ANK3: variants seen among roughly 807,000 people sequenced by gnomAD.
The protein encoded by ANK3 is ankyrin-3.
In ANK3, 57 loss-of-function variants were observed where a neutral mutation model predicts 370.9. The observed-to-expected ratio is 0.15, with a 90% CI of 0.12 to 0.19. The LOEUF (loss-of-function observed/expected upper bound fraction) is 0.19. ANK3 is among the 10% of genes least tolerant of loss of function. The probability of loss-of-function intolerance (pLI) is 1.00; values close to 1 mark genes in which losing one functional copy is unlikely to be tolerated. For missense variants in ANK3, 4,439 were observed against 5,302.1 expected (o/e 0.84, Z 5.06); for synonymous variants, 1,929 against 1,946.3 (o/e 0.99, Z 0.23).
intron 41 of ANK3, among the ~76,000 whole-genome samples, chr10:60,057,168 C>T (rs1378301676): frequency 6.6e-6 from 1 of 152,162 alleles, no homozygotes; most frequent in South Asian, 2.1e-4. Flanking sequence ...CTACTCTTGA[C>T]CTCTGCTAAT....
At chr10:60,240,304 A>ATTTTTTTTT (rs1305756045) in intron 7 of ANK3, among the ~76,000 whole-genome samples, 2 of 87,644 alleles carry the variant, frequency 2.3e-5, no homozygotes, top group South Asian at 3.3e-4. Context: ...ATATATATAT[A>ATTTTTTTTT]TATTTTTTTT....
chr10:60,272,828 A>G (rs550947622), intron 4 of ANK3, among the ~76,000 whole-genome samples: 11 of 152,200 alleles, frequency 7.2e-5, no homozygotes, highest in African/African-American at 2.4e-4. Context: ...ATGAATATCA[A>G]CAAGATATTT....
intron 7 of ANK3, among the ~76,000 whole-genome samples, chr10:60,240,248 A>G (rs993629891): frequency 7.7e-5 from 11 of 141,970 alleles, no homozygotes; most frequent in Non-Finnish European, 1.5e-4. Flanking sequence ...ATACACACAT[A>G]TATATACATA....
chr10:60,266,414 T>G (rs1249442742), intron 5 of ANK3, among the ~76,000 whole-genome samples: 2 of 152,214 alleles, frequency 1.3e-5, no homozygotes. Context: ...AAAGAAAATA[T>G]GCATTGTTTA....
intron 2 of ANK3, among the ~76,000 whole-genome samples, chr10:60,568,970 G>T (rs926875752): frequency 3.3e-5 from 5 of 152,168 alleles, no homozygotes; most frequent in African/African-American, 9.7e-5. Flanking sequence ...GACTAACCAT[G>T]CTGACACCCT....
intron 1 of ANK3, among the ~76,000 whole-genome samples, chr10:60,698,883 C>A (rs2079506556): frequency 7.3e-6 from 1 of 137,702 alleles, no homozygotes; most frequent in African/African-American, 2.7e-5. Context: ...GCACATGTAC[C>A]CTAAAACTTA....
At chr10:60,442,768 C>G (rs2064331805) in intron 2 of ANK3, among the ~76,000 whole-genome samples, 1 of 152,210 alleles carries the variant, frequency 6.6e-6, no homozygotes, top group African/African-American at 2.4e-5. Context: ...TGCTAAATTT[C>G]TTACATAGAT....
chr10:60,226,087 A>T (rs1465266177), intron 8 of ANK3, among the ~76,000 whole-genome samples: 2 of 141,522 alleles, frequency 1.4e-5, no homozygotes, highest in Non-Finnish European at 3.0e-5. Flanking sequence ...TAGAGGATAT[A>T]GTATATATCT....
intron 8 of ANK3, among the ~76,000 whole-genome samples, chr10:60,228,161 C>T (rs888808779): frequency 4.6e-5 from 7 of 152,158 alleles, no homozygotes; most frequent in African/African-American, 1.7e-4. Context: ...TTCTATCATG[C>T]ACCACTTACG....
At chr10:60,146,198 A>AG (rs2094814738) in intron 23 of ANK3, among the ~76,000 whole-genome samples, 1 of 152,216 alleles carries the variant, frequency 6.6e-6, no homozygotes, top group African/African-American at 2.4e-5. Flanking sequence ...AAGCAAGCAA[A>AG]GGGAACACTC....
Position 60,256,182 on chromosome 10 carries a change from G to A in ANK3, c.798+5677C>T, listed in dbSNP as rs181632012. ...TATAGCCTAGATGCAGCTATGCTTT[G>A]GGGACTTACGGGAGAAATTGTATTA... On this transcript the variant is annotated intron_variant, in intron 7 of 43. Transcript: ENST00000280772. Among the ~76,000 whole-genome samples, 8 of 152,316 alleles carry A rather than the reference G, an allele frequency of 5.3e-5. No homozygotes were observed. In the East Asian group the frequency reaches 1.5e-3, roughly 29 times the overall value.
At chr10:60,588,195 T>TATTATTATG (rs1413631795) in intron 2 of ANK3, among the ~76,000 whole-genome samples, 1 of 148,718 alleles carries the variant, frequency 6.7e-6, no homozygotes, top group Non-Finnish European at 1.5e-5. Context: ...TTATTATTAT[T>TATTATTATG]ATTATTTGAG....
intron 1 of ANK3, among the ~76,000 whole-genome samples, chr10:60,285,321 A>G (rs1164047345): frequency 3.3e-5 from 5 of 152,162 alleles, no homozygotes; most frequent in African/African-American, 1.2e-4. Context: ...ACATTTTGAA[A>G]GACTGGTGTA....
intron 1 of ANK3, among the ~76,000 whole-genome samples, chr10:60,688,548 C>T (rs1280040500): frequency 6.6e-6 from 1 of 152,162 alleles, no homozygotes; most frequent in Non-Finnish European, 1.5e-5. Flanking sequence ...GATTTTATTT[C>T]TGTCAGCTGC....
chr10:60,460,485 C>T lies in ANK3; in HGVS notation c.96+154701G>A, dbSNP rs534925890. Among the ~76,000 whole-genome samples, 6 of 152,202 alleles carry T rather than the reference C, an allele frequency of 3.9e-5. No homozygotes were observed. In the South Asian group the frequency reaches 1.2e-3, roughly 32 times the overall value. ...CTTGGAGAACTAACAAGGTATCTCC[C>T]GTGGCATTCAAATTAGACTGGCTGG... On this transcript the variant is annotated intron_variant, in intron 2 of 43. Transcript: ENST00000373827.
chr10:60,208,809 C>A (rs182278994), intron 9 of ANK3, among the ~76,000 whole-genome samples: 1 of 152,268 alleles, frequency 6.6e-6, no homozygotes, highest in African/African-American at 2.4e-5. Flanking sequence ...CTGAATGTAA[C>A]GCATTTCATC....
At chr10:60,398,758 A>G (rs909297616) in intron 2 of ANK3, among the ~76,000 whole-genome samples, 7 of 152,180 alleles carry the variant, frequency 4.6e-5, no homozygotes, top group African/African-American at 1.2e-4. Context: ...AAGTAAGAAA[A>G]CAATTTTAAG....
chr10:60,387,446 C>T (rs934587772), intron 1 of ANK3, among the ~76,000 whole-genome samples: 1 of 93,428 alleles, frequency 1.1e-5, no homozygotes, highest in Non-Finnish European at 2.4e-5. Context: ...TTGTACATTA[C>T]AAGTAGTATA....
intron 2 of ANK3, among the ~76,000 whole-genome samples, chr10:60,472,852 A>G (rs1412123418): frequency 1.3e-5 from 2 of 152,166 alleles, no homozygotes; most frequent in African/African-American, 4.8e-5. Context: ...TTTTAAACTT[A>G]TACAACATTT....
Sources: gnomAD v4.1 joint callset for allele counts (sites outside exome capture counted in the v4.1 genomes callset) on GRCh38, gnomAD v4.1.1 for gene constraint, MANE v1.5 for transcripts, NCBI Gene and HGNC (gene_info 2026-07-23, HGNC 2026-07-21) for gene names.